The following QKI variants were observed in gnomAD, a reference collection of about 807,000 sequenced individuals.
QKI encodes the protein KH domain-containing RNA-binding protein QKI.
In QKI, 10 loss-of-function variants were observed where a neutral mutation model predicts 39.0. The observed-to-expected ratio is 0.26, with a 90% CI of 0.16 to 0.43. The LOEUF (loss-of-function observed/expected upper bound fraction) is 0.43, where lower values mean the gene tolerates loss of function less well. QKI is among the 20% of genes least tolerant of loss of function. QKI has a pLI of 1.00. For missense variants in QKI, 218 were observed against 428.0 expected, an observed-to-expected ratio of 0.51 and a Z score of 4.33; for synonymous variants, 204 against 155.4, an observed-to-expected ratio of 1.31 and a Z score of -2.33.
rs531880929 is a variant in QKI, at chr6:163,549,436, C to CA, written c.547-12545dup. Among the ~76,000 whole-genome samples the CA allele has an allele frequency of 2.3e-3, 354 of 152,264 alleles. 2 individuals carry two copies. Among genetic ancestry groups the CA allele is most frequent in the African/African-American group, 8.0e-3 (333 of 41,562 alleles). On this transcript the variant is annotated intron_variant, in intron 4 of 7. Transcript: ENST00000361752. ...TACTTCCTGAAAACACTGCGCTGGG[C>CA]ATGGTGGCTCATGCCTGTAATCCTA...
chr6:163,572,862 G>A lies in QKI; in HGVS notation c.*2152G>A, dbSNP rs1783785705. On this transcript the variant is annotated 3_prime_UTR_variant, in exon 8 of 8. Transcript: ENST00000361752. Reference sequence around the variant, plus strand: ...ATTGTTTTGTATCCAGCTAGCTTTGGTTTAATATGCCACTGCTTTGTCTTT... The same window carrying A: ...ATTGTTTTGTATCCAGCTAGCTTTGATTTAATATGCCACTGCTTTGTCTTT... 6.6e-6 allele frequency: 1 copy of A among 151,932 alleles called. No homozygotes were observed. The highest frequency in any genetic ancestry group is 1.5e-5 in the Non-Finnish European group (1 of 67,996). 9.4% of individuals were successfully genotyped at this position (151,932 alleles called of 1,614,324 possible). A position where few individuals can be genotyped will look rare whatever the true frequency, so the allele number is the denominator to read the frequency against.
intron 3 of QKI, among the ~76,000 whole-genome samples, chr6:163,526,315 A>AT (rs1333599564): frequency 4.6e-5 from 7 of 152,328 alleles, no homozygotes; most frequent in African/African-American, 1.4e-4. Context: ...TAAATATTCA[A>AT]TTGAGTATTT....
At chr6:163,550,669 G>A (rs1362973630) in intron 4 of QKI, among the ~76,000 whole-genome samples, 3 of 152,086 alleles carry the variant, frequency 2.0e-5, no homozygotes, top group Admixed American at 1.3e-4. Flanking sequence ...GCTTATGGCT[G>A]GGCGTGGTGG....
chr6:163,559,359 G>A (rs1159103981), intron 4 of QKI, among the ~76,000 whole-genome samples: 3 of 151,654 alleles, frequency 2.0e-5, no homozygotes, highest in African/African-American at 4.8e-5. Context: ...AATACTTTTG[G>A]TATTCCATTT....
chr6:163,576,317 G>A lies in QKI; in HGVS notation c.*5607G>A, dbSNP rs1583246813. The A allele has an allele frequency of 6.6e-6, 1 of 152,186 alleles. No individual in the cohort carries two copies. The highest frequency in any genetic ancestry group is 1.5e-5 in the Non-Finnish European group (1 of 68,126). The allele number at this position is 152,186 out of a possible 1,614,324, so 9.4% of individuals were successfully genotyped here. On this transcript the variant is annotated 3_prime_UTR_variant, in exon 8 of 8. Coordinates refer to ENST00000361752, the MANE Select transcript of QKI (RefSeq NM_006775.3). ...GCTGCACTAATTGCCAGGGGGTGGG[G>A]GAGAAGGCGAATGAATTAATTCATA... is the stretch of plus-strand genomic sequence containing the variant.
intron 1 of QKI, among the ~76,000 whole-genome samples, chr6:163,427,576 TTTG>T (rs1038848187): frequency 1.3e-5 from 2 of 152,114 alleles, no homozygotes; most frequent in Non-Finnish European, 2.9e-5. Flanking sequence ...GCTGTGTTCT[TTTG>T]TTGTACTTAC....
At chr6:163,551,665 G>C (rs1246523709) in intron 4 of QKI, among the ~76,000 whole-genome samples, 2 of 152,192 alleles carry the variant, frequency 1.3e-5, no homozygotes, top group Non-Finnish European at 2.9e-5. Flanking sequence ...ACTCTTCTTT[G>C]AGGTTGTCAA....
chr6:163,532,797 C>G (rs1236870006), intron 3 of QKI, among the ~76,000 whole-genome samples: 1 of 152,136 alleles, frequency 6.6e-6, no homozygotes, highest in African/African-American at 2.4e-5. Flanking sequence ...TCCCAGGACT[C>G]TCTGAGCTTT....
intron 3 of QKI, among the ~76,000 whole-genome samples, chr6:163,496,993 T>C (rs1778453916): frequency 6.6e-6 from 1 of 152,206 alleles, no homozygotes; most frequent in Non-Finnish European, 1.5e-5. Context: ...ATTGTCTCTT[T>C]TATTCATTGT....
At chr6:163,514,167 G>A (rs1378808594) in intron 3 of QKI, among the ~76,000 whole-genome samples, 1 of 152,122 alleles carries the variant, frequency 6.6e-6, no homozygotes, top group African/African-American at 2.4e-5. Context: ...AACACCTGTG[G>A]CTTACTGCTG....
chr6:163,503,245 G>A (rs1778890415), intron 3 of QKI, among the ~76,000 whole-genome samples: 1 of 148,694 alleles, frequency 6.7e-6, no homozygotes, highest in Non-Finnish European at 1.5e-5. Context: ...GCCTCCCAAA[G>A]TGCTAGGATT....
intron 3 of QKI, among the ~76,000 whole-genome samples, chr6:163,501,513 G>A (rs909032837): frequency 2.0e-5 from 3 of 152,152 alleles, no homozygotes; most frequent in African/African-American, 4.8e-5. Context: ...ATCATCTTAC[G>A]GGGAGGAGGG....
At chr6:163,434,675 A>G (rs1402943650) in intron 1 of QKI, among the ~76,000 whole-genome samples, 2 of 152,026 alleles carry the variant, frequency 1.3e-5, no homozygotes, top group African/African-American at 4.8e-5. Flanking sequence ...GGATCGTGCC[A>G]CTGCACTCCA....
chr6:163,566,190 ACTG>A, intron 6 of QKI: 1 of 1,344,042 alleles, frequency 7.4e-7, no homozygotes. Flanking sequence ...TAGTATACTG[ACTG>A]CTAAGTGTAC....
chr6:163,540,109 T>C (rs1781422666), intron 4 of QKI, among the ~76,000 whole-genome samples: 1 of 128,822 alleles, frequency 7.8e-6, no homozygotes, highest in Non-Finnish European at 1.8e-5. Context: ...GAATAAGTTC[T>C]TTTTTTTTGG....
At position 163,564,973 on chromosome 6, in the gene QKI, C is replaced by G. The variant is rs59308335; in HGVS notation, c.934+1254C>G. ...ACTGGAGAACACTAAGATTTAAACT[C>G]GAAAATTCGTTGTTCAAGTAAAGAA... On this transcript the variant is annotated intron_variant, in intron 6 of 7. Coordinates refer to ENST00000361752, the MANE Select transcript of QKI (RefSeq NM_006775.3). 2.2e-3 allele frequency: 2,741 copies of G among 1,269,934 alleles called. 9 individuals carry two copies. Among genetic ancestry groups the G allele is most frequent in the Non-Finnish European group, 2.5e-3 (2,555 of 1,005,946 alleles). The allele number at this position is 1,269,934 out of a possible 1,614,324, so 78.7% of individuals were successfully genotyped here.
chr6:163,428,605 A>G (rs989784642), intron 1 of QKI, among the ~76,000 whole-genome samples: 2 of 152,198 alleles, frequency 1.3e-5, no homozygotes, highest in South Asian at 4.1e-4. Flanking sequence ...TAGCTTTTTT[A>G]GTAGGTAAAT....
At chr6:163,447,504 C>T (rs1313307641) in intron 1 of QKI, among the ~76,000 whole-genome samples, 1 of 152,092 alleles carries the variant, frequency 6.6e-6, no homozygotes, top group African/African-American at 2.4e-5. Context: ...CATCTCTTCT[C>T]CTACTCATCC....
At chr6:163,425,539 A>C (rs2128209046) in intron 1 of QKI, among the ~76,000 whole-genome samples, 1 of 152,344 alleles carries the variant, frequency 6.6e-6, no homozygotes, top group Middle Eastern at 3.4e-3. Context: ...TGAAGTGTGA[A>C]GAGTCAAACT....
Sources: gnomAD v4.1 joint callset for allele counts (sites outside exome capture counted in the v4.1 genomes callset) on GRCh38, gnomAD v4.1.1 for gene constraint, MANE v1.5 for transcripts, NCBI Gene and HGNC (gene_info 2026-07-23, HGNC 2026-07-21) for gene names.